Variants in AFF2 observed in about 807,000 individuals in gnomAD.
The protein encoded by AFF2 is AF4/FMR2 family member 2.
Under a neutral mutation model 76.9 loss-of-function variants are expected in AFF2, and 14 were observed. The observed-to-expected ratio is 0.18, with a 90% confidence interval of 0.12 to 0.28. The LOEUF is 0.28. Among genes scored for constraint, AFF2 ranks in the 10% least tolerant of loss-of-function variants. The probability of loss-of-function intolerance (pLI) is 1.00; values close to 1 mark genes in which losing one functional copy is unlikely to be tolerated. For synonymous variants in AFF2, 398 were observed against 366.7 expected (o/e 1.09, Z -0.98); for missense variants, 868 against 1,001.1 (o/e 0.87, Z 1.79).
At chrX:148,501,682 C>T (rs2052354075) in intron 1 of AFF2, among the ~76,000 whole-genome samples, 1 of 113,469 alleles carries the variant, frequency 8.8e-6, no homozygotes, top group Non-Finnish European at 1.9e-5. Flanking sequence ...CCGACTCAGC[C>T]CAAGTTCCCT....
chrX:148,967,887 G>A (rs1159794601), intron 15 of AFF2, among the ~76,000 whole-genome samples, 195 bp downstream of exon 15: 1 of 111,736 alleles, frequency 8.9e-6, no homozygotes, highest in South Asian at 3.8e-4. Flanking sequence ...CTCAGGGCTT[G>A]GTTATCATGT....
chrX:148,519,486 G>A (rs959736566), intron 1 of AFF2, among the ~76,000 whole-genome samples: 1 of 111,913 alleles, frequency 8.9e-6, no homozygotes, highest in African/African-American at 3.2e-5. Context: ...AAAATAATAC[G>A]AAGCGGAAGA....
chrX:148,805,136 G>A (rs1474434050), intron 3 of AFF2, among the ~76,000 whole-genome samples: 2 of 112,001 alleles, frequency 1.8e-5, no homozygotes, highest in East Asian at 5.6e-4. Context: ...CAATCATGGG[G>A]ATAAATGGGG....
intron 5 of AFF2, among the ~76,000 whole-genome samples, chrX:148,840,871 T>C (rs1266615958): frequency 1.8e-5 from 2 of 112,243 alleles, no homozygotes; most frequent in Non-Finnish European, 3.8e-5. Context: ...CAAAACATCA[T>C]ATGTACCTCA....
intron 8 of AFF2, among the ~76,000 whole-genome samples, chrX:148,896,824 T>C (rs2071290364): frequency 9.1e-6 from 1 of 110,322 alleles, no homozygotes; most frequent in Non-Finnish European, 1.9e-5. Context: ...TTAGATGGTA[T>C]TTTTTGCCTC....
At chrX:148,701,914 A>G (rs782551199) in intron 3 of AFF2, among the ~76,000 whole-genome samples, 7 of 112,603 alleles carry the variant, frequency 6.2e-5, no homozygotes, top group African/African-American at 9.7e-5. Context: ...AGTGAACAGT[A>G]TTAAACTAAA....
At chrX:148,738,012 C>T (rs1361402942) in intron 3 of AFF2, among the ~76,000 whole-genome samples, 7 of 111,191 alleles carry the variant, frequency 6.3e-5, no homozygotes, top group East Asian at 2.8e-4. Flanking sequence ...TTGTCGGATT[C>T]GGTTAGCTAG....
intron 1 of AFF2, among the ~76,000 whole-genome samples, chrX:148,605,929 G>A (rs1331815792): frequency 8.9e-6 from 1 of 111,960 alleles, no homozygotes; most frequent in Non-Finnish European, 1.9e-5. Context: ...GAATATTTGA[G>A]GAGAAACAGG....
rs1181780202 is a variant in AFF2 at position 148,966,978 on chromosome X, C to T, written c.3102C>T (p.Leu1034=). ...STITSTITTG[L]MDSSHLEMTS... is the part of the protein sequence containing the mutation. ...TCACCTCTACCATCACTACTGGCCT[C>T]ATGGATAGCAGTCACCTGGAGATGA... Residue 1034 remains leucine, a synonymous_variant, in exon 14 of 21, where the codon CTC becomes CTT. Transcript: ENST00000370460. 3.3e-6 allele frequency: 4 copies of T among 1,209,690 alleles called. No individual in the cohort carries two copies. The highest frequency in any genetic ancestry group is 1.8e-5 in the South Asian group (1 of 56,724).
chrX:148,872,850 G>A (rs1246855844), intron 7 of AFF2, among the ~76,000 whole-genome samples: 2 of 111,582 alleles, frequency 1.8e-5, no homozygotes, highest in Non-Finnish European at 3.8e-5. Context: ...ATCCCATCAT[G>A]AGTATTCAAC....
Position 148,542,758 on chromosome X carries a change from G to A in AFF2, c.47+41614G>A, listed in dbSNP as rs782051404. ...CTCATATATTTATGAGTTCCTCTAG[G>A]TGGGCTAGAGCCTAGAGCGAGGAGA... On this transcript the variant is annotated intron_variant, in intron 1 of 20. Coordinates refer to ENST00000370460, the MANE Select transcript of AFF2 (RefSeq NM_002025.4). Among the ~76,000 whole-genome samples the A allele has an allele frequency of 7.1e-5, 8 of 111,943 alleles. No homozygotes were observed. In the East Asian group the frequency reaches 2.0e-3, roughly 28 times the overall value.
intron 3 of AFF2, among the ~76,000 whole-genome samples, chrX:148,760,634 TGAG>T (rs1405966735): frequency 1.8e-5 from 2 of 111,733 alleles, no homozygotes; most frequent in Middle Eastern, 4.2e-3. Flanking sequence ...TTAGTGATAT[TGAG>T]GAGAAGCAAA....
intron 3 of AFF2, among the ~76,000 whole-genome samples, chrX:148,754,750 G>A (rs2055541057): frequency 9.0e-6 from 1 of 111,527 alleles, no homozygotes; most frequent in African/African-American, 3.3e-5. Context: ...CTGAAAAGTG[G>A]TGACTTGTGA....
intron 3 of AFF2, among the ~76,000 whole-genome samples, chrX:148,782,622 A>C (rs2069759247): frequency 8.9e-6 from 1 of 112,056 alleles, no homozygotes; most frequent in South Asian, 3.7e-4. Context: ...ACTAAGCTAA[A>C]AATAATATTT....
At chrX:148,629,252 G>C (rs2053957655) in intron 1 of AFF2, among the ~76,000 whole-genome samples, 1 of 110,922 alleles carries the variant, frequency 9.0e-6, no homozygotes, top group African/African-American at 3.3e-5. Flanking sequence ...ACTTTCAACT[G>C]TAAATATTAT....
chrX:148,979,122 A>G (rs1291281951), intron 18 of AFF2, among the ~76,000 whole-genome samples: 1 of 112,147 alleles, frequency 8.9e-6, no homozygotes, highest in Non-Finnish European at 1.9e-5. Context: ...AACAGTCATG[A>G]TTTAGAGTTG....
chrX:148,506,302 G>A, intron 1 of AFF2, among the ~76,000 whole-genome samples: 1 of 111,593 alleles, frequency 9.0e-6, no homozygotes, highest in South Asian at 3.8e-4. Context: ...TGATCATTGT[G>A]AGTTAGAATG....
intron 5 of AFF2, among the ~76,000 whole-genome samples, chrX:148,840,978 G>A (rs1424548342): frequency 2.7e-5 from 3 of 112,360 alleles, no homozygotes; most frequent in Non-Finnish European, 3.8e-5. Context: ...ATTGTATCAA[G>A]AATAAATATC....
chrX:148,959,004 A>G (rs979296041), intron 12 of AFF2, among the ~76,000 whole-genome samples: 9 of 109,523 alleles, frequency 8.2e-5, no homozygotes, highest in Non-Finnish European at 1.5e-4. Flanking sequence ...TGAAAAAAAA[A>G]AAAAAAAAAA....
Sources: allele counts gnomAD v4.1 joint callset (sites outside exome capture counted in the v4.1 genomes callset), GRCh38; gene constraint gnomAD v4.1.1; transcripts MANE v1.5; gene names NCBI Gene and HGNC (gene_info 2026-07-23, HGNC 2026-07-21).